DMWD: variants seen among roughly 807,000 people sequenced by gnomAD.
The protein encoded by DMWD is dystrophia myotonica WD repeat-containing protein.
In DMWD, 19 loss-of-function variants were observed where a neutral mutation model predicts 45.8. That is an observed-to-expected ratio of 0.41 (90% CI 0.29 to 0.61). DMWD has a LOEUF of 0.61. Ranked by LOEUF, DMWD falls within the 20% of genes least tolerant of loss-of-function variation. The pLI is 0.25. For missense variants in DMWD, 802 were observed against 965.2 expected (o/e 0.83, Z 2.24); for synonymous variants, 515 against 440.5 (o/e 1.17, Z -2.12).
At chr19:45,788,968 C>T (rs1970320105) in intron 2 of DMWD, among the ~76,000 whole-genome samples, 1 of 151,486 alleles carries the variant, frequency 6.6e-6, no homozygotes, top group Non-Finnish European at 1.5e-5. Flanking sequence ...CCAGGCAACT[C>T]TTCTCACCTG....
At chr19:45,787,380 T>C (rs1429460060) in intron 2 of DMWD, among the ~76,000 whole-genome samples, 1 of 152,054 alleles carries the variant, frequency 6.6e-6, no homozygotes, top group Non-Finnish European at 1.5e-5. Flanking sequence ...GCGCTCCTTA[T>C]TAGAATCTAA....
At chr19:45,790,813 C>A (rs746632763) in intron 2 of DMWD, 92 bp downstream of exon 2, 14 of 1,447,060 alleles carry the variant, frequency 9.7e-6, no homozygotes, top group African/African-American at 1.4e-5. Flanking sequence ...CCCTCTCAGG[C>A]CTACACTGTT....
chr19:45,785,854 T>G lies in DMWD; in HGVS notation c.1642A>C (p.Asn548His). ...KEHKRYHSLGNISRGGSGGSG... is the reference protein window; with the variant it reads ...KEHKRYHSLGHISRGGSGGSG... ...CCGCCACTGCCACCCCGGCTGATGTTGCCCAGGCTGTGGTAGCGCTTGTGC... is the reference window on the plus strand; with the variant it reads ...CCGCCACTGCCACCCCGGCTGATGTGGCCCAGGCTGTGGTAGCGCTTGTGC... Residue 548 changes from asparagine to histidine, a missense_variant, in exon 3 of 5, where the codon AAC (asparagine) becomes CAC (histidine). Asn to His is a moderately conservative substitution (Grantham distance 68). Around this residue, in one of 9 missense-constraint regions of DMWD, gnomAD observed 303 missense variants for 332.9 expected, o/e 0.91. Coordinates refer to ENST00000270223, the MANE Select transcript of DMWD (RefSeq NM_004943.2). 1 of 1,609,220 alleles carries G rather than the reference T, an allele frequency of 6.2e-7. No homozygotes were observed. Among genetic ancestry groups the G allele is most frequent in the South Asian group, 1.1e-5 (1 of 91,062 alleles).
rs759388285 is a variant in DMWD at position 45,786,250 on chromosome 19, C to A, written c.1246G>T (p.Ala416Ser). The change falls in exon 3 of 5, where the codon GCC becomes TCC. Residue 416 changes from alanine to serine, a missense_variant. Transcript: ENST00000270223. ...GCCTTGGGCAGTGGAGAGAGCGGGG[C>A]GCCCCCGGCCGAGCCTGTGCCCGCA... ...EAAGTGSAGG[A>S]PLSPLPKAGS... 1.2e-6 allele frequency: 2 copies of A among 1,607,362 alleles called. No homozygotes were observed. The highest frequency in any genetic ancestry group is 4.5e-5 in the East Asian group (2 of 44,720).
chr19:45,787,833 T>A (rs554511647), intron 2 of DMWD, among the ~76,000 whole-genome samples: 1 of 152,314 alleles, frequency 6.6e-6, no homozygotes, highest in East Asian at 1.9e-4. Flanking sequence ...TTTGGGAGGC[T>A]GAGGCAGGCG....
chr19:45,786,522 T>C lies in DMWD; in HGVS notation c.974A>G (p.Tyr325Cys). Reference protein sequence around the residue: ...SMLLRGLMKSYFGGLLCVCWS... With the variant: ...SMLLRGLMKSCFGGLLCVCWS... ...GCACACACACAGCAGGCCCCCAAAG[T>C]AGCTCTTCATGAGCCCACGCAGGAG... The change falls in exon 3 of 5, where the codon TAC (tyrosine) becomes TGC (cysteine). Residue 325 changes from tyrosine to cysteine, a missense_variant. Coordinates refer to ENST00000270223, the MANE Select transcript of DMWD (RefSeq NM_004943.2). 6.2e-7 allele frequency: 1 copy of C among 1,613,992 alleles called. No individual in the cohort carries two copies. The highest frequency in any genetic ancestry group is 1.1e-5 in the South Asian group (1 of 91,082).
In DMWD at chr19:45,783,560, G is replaced by A. The variant is rs1302415657; in HGVS notation, c.*683C>T. 9 of 398,580 alleles carry A rather than the reference G, an allele frequency of 2.3e-5. 1 individual carries two copies. Among genetic ancestry groups the A allele is most frequent in the East Asian group, 3.6e-5 (1 of 28,072 alleles). 24.7% of individuals were successfully genotyped at this position (398,580 alleles called of 1,614,324 possible). On this transcript the variant is annotated 3_prime_UTR_variant, in exon 5 of 5. Coordinates refer to ENST00000270223, the MANE Select transcript of DMWD (RefSeq NM_004943.2). Reference sequence around the variant, plus strand: ...GTGTGGGTCACCAGTTGTGTGACTCGCAGGTCCGTTCCCTCCCTGGGCTCC... The same window carrying A: ...GTGTGGGTCACCAGTTGTGTGACTCACAGGTCCGTTCCCTCCCTGGGCTCC...
intron 1 of DMWD, 127 bp from the exon 2 acceptor site, chr19:45,791,214 A>G: frequency 1.0e-6 from 1 of 962,640 alleles, no homozygotes; most frequent in Non-Finnish European, 1.5e-6. Flanking sequence ...GGAGGTGAGT[A>G]GGTGGATTGC....
chr19:45,784,128 A>T lies in DMWD; in HGVS notation c.*115T>A. 1 of 940,902 alleles carries T rather than the reference A, an allele frequency of 1.1e-6. No homozygotes were observed. Among genetic ancestry groups the T allele is most frequent in the Non-Finnish European group, 1.7e-6 (1 of 590,742 alleles). 58.3% of individuals were successfully genotyped at this position (940,902 alleles called of 1,614,324 possible). A position where few individuals can be genotyped will look rare whatever the true frequency, so the allele number is the denominator to read the frequency against. The stretch of plus-strand genomic sequence containing the variant: ...AATTTTGTGCAGGTGGGGGGACTGG[A>T]GCAGTCCATCCATCATGGTTAGTCT... On this transcript the variant is annotated 3_prime_UTR_variant, in exon 5 of 5. Transcript: ENST00000270223.
In DMWD at chr19:45,787,012, G is replaced by A. The variant is rs73044292; in HGVS notation, c.625-141C>T. On this transcript the variant is annotated intron_variant, in intron 2 of 4. Transcript: ENST00000270223. ...GCCACACCAGGCCCAGGTCCTCCTCGGAGAGAAGCTCCCAAACTGGGGAAG... is the reference window on the plus strand; with the variant it reads ...GCCACACCAGGCCCAGGTCCTCCTCAGAGAGAAGCTCCCAAACTGGGGAAG... The A allele has an allele frequency of 7.0e-3, 9,844 of 1,401,728 alleles. 60 individuals carry two copies. The highest frequency in any genetic ancestry group is 0.032 in the Middle Eastern group (124 of 3,844). The allele number at this position is 1,401,728 out of a possible 1,614,324, so 86.8% of individuals were successfully genotyped here.
chr19:45,792,604 C>A lies in DMWD; in HGVS notation c.153G>T (p.Gln51His). The change falls in exon 1 of 5, where the codon CAG (glutamine) becomes CAT (histidine). Residue 51 changes from glutamine (Q) to histidine (H), a missense_variant. Physicochemically the swap from Gln to His is conservative, Grantham distance 24. This residue lies in a region of DMWD where 151 missense variants were observed against 128.1 expected (regional missense o/e 1.18). Transcript: ENST00000270223. ...AARRSGPASA[Q>H]TPVPPQPPQP... is the part of the protein sequence containing the mutation. ...GCGGTGGCTGAGGCGGCACCGGAGT[C>A]TGGGCGGAAGCCGGACCCGACCTGC... The A allele has an allele frequency of 7.6e-7, 1 of 1,314,626 alleles. No homozygotes were observed. Among genetic ancestry groups the A allele is most frequent in the Non-Finnish European group, 9.8e-7 (1 of 1,015,542 alleles). 81.4% of individuals were successfully genotyped at this position (1,314,626 alleles called of 1,614,324 possible).
At chr19:45,792,055 A>G (rs755629499) in intron 1 of DMWD, among the ~76,000 whole-genome samples, 2 of 151,974 alleles carry the variant, frequency 1.3e-5, no homozygotes, top group African/African-American at 4.8e-5. Context: ...ATCATGTCCA[A>G]TAGTCACCAT....
rs766736520 is a variant in DMWD, at chr19:45,786,413, C to T, written c.1083G>A (p.Val361=). 9 of 1,613,282 alleles carry T rather than the reference C, an allele frequency of 5.6e-6. 1 individual carries two copies. The highest frequency in any genetic ancestry group is 4.0e-5 in the African/African-American group (3 of 74,920). Residue 361 remains valine, a synonymous_variant, in exon 3 of 5, where the codon GTG becomes GTA. Coordinates refer to ENST00000270223, the MANE Select transcript of DMWD (RefSeq NM_004943.2). ...TVWSFTEGRV[V]ARGHGHKSWV... ...AGGACTTGTGGCCATGGCCTCGAGC[C>T]ACCACGCGGCCCTCGGTGAAGGACC...
chr19:45,790,715 A>G (rs2146275211), intron 2 of DMWD, 190 bp downstream of exon 2: 1 of 522,694 alleles, frequency 1.9e-6, no homozygotes, highest in East Asian at 3.1e-5. Flanking sequence ...TATTCAGCAC[A>G]AGGGTAACAC....
chr19:45,786,503 A>G lies in DMWD; in HGVS notation c.993T>C (p.Cys331=). Residue 331 remains cysteine (C), a synonymous_variant, in exon 3 of 5, where the codon TGT becomes TGC. Transcript: ENST00000270223. ...AGCGGCCGTCAGGGCTCCAGCACACACACAGCAGGCCCCCAAAGTAGCTCT... is the reference window on the plus strand; with the variant it reads ...AGCGGCCGTCAGGGCTCCAGCACACGCACAGCAGGCCCCCAAAGTAGCTCT... ...LMKSYFGGLL[C]VCWSPDGRYV... is the part of the protein sequence containing the mutation. 1 of 1,613,864 alleles carries G rather than the reference A, an allele frequency of 6.2e-7. No individual in the cohort carries two copies.
At position 45,792,823 on chromosome 19, in the gene DMWD, C is replaced by T; in HGVS notation, c.-67G>A. The T allele has an allele frequency of 9.4e-7, 1 of 1,065,952 alleles. No homozygotes were observed. The highest frequency in any genetic ancestry group is 1.1e-6 in the Non-Finnish European group (1 of 882,890). The allele number at this position is 1,065,952 out of a possible 1,614,324, so 66.0% of individuals were successfully genotyped here. A position where few individuals can be genotyped will look rare whatever the true frequency, so the allele number is the denominator to read the frequency against. ...CGCAGCCGGGCCCCCTCCCGGAAGC[C>T]GCTGGCCCGCGCCGGAAAAGGTGGG... is the stretch of plus-strand genomic sequence containing the variant. On this transcript the variant is annotated 5_prime_UTR_variant, in exon 1 of 5. Coordinates refer to ENST00000270223, the MANE Select transcript of DMWD (RefSeq NM_004943.2).
In DMWD at chr19:45,792,454, G is replaced by C. The variant is rs2146276524; in HGVS notation, c.303C>G (p.Leu101=). ...CGGCCCCGGCGCTGTCCGGCTCCCC[G>C]AGGCGCACGAGGCTGAGGCGCACGG... The part of the protein sequence containing the change: ...LPAVRLSLVR[L]GEPDSAGAGE... Residue 101 remains leucine (L), a synonymous_variant, in exon 1 of 5, where the codon CTC becomes CTG. Transcript: ENST00000270223. 3 of 1,472,332 alleles carry C rather than the reference G, an allele frequency of 2.0e-6. No homozygotes were observed. In the South Asian group the frequency reaches 3.9e-5, roughly 19 times the overall value. The allele number at this position is 1,472,332 out of a possible 1,614,324, so 91.2% of individuals were successfully genotyped here.
chr19:45,785,506 A>G (rs1970258213), intron 3 of DMWD, 88 bp downstream of exon 3: 1 of 1,416,488 alleles, frequency 7.1e-7, no homozygotes, highest in South Asian at 1.6e-5. Context: ...AGGCTGTGAC[A>G]GCAACAAAGC....
intron 2 of DMWD, 44 bp downstream of exon 2, chr19:45,790,861 G>C: frequency 6.4e-7 from 1 of 1,569,988 alleles, no homozygotes; most frequent in Non-Finnish European, 8.6e-7. Context: ...ATAGTGGGTA[G>C]GTGAGAAGGC....
Sources: allele counts gnomAD v4.1 joint callset (sites outside exome capture counted in the v4.1 genomes callset), GRCh38; gene constraint gnomAD v4.1.1; regional missense constraint gnomAD v4.1.1; transcripts MANE v1.5; gene names NCBI Gene and HGNC (gene_info 2026-07-23, HGNC 2026-07-21).